Variants in FRMPD4 observed in about 807,000 individuals in gnomAD.
FRMPD4 encodes the protein FERM and PDZ domain-containing protein 4.
FRMPD4 carries 22 observed loss-of-function variants against 94.1 expected under a neutral mutation model. That is an observed-to-expected ratio of 0.23 (90% CI 0.17 to 0.33). FRMPD4 has a LOEUF of 0.33. FRMPD4 is among the 10% of genes least tolerant of loss of function. FRMPD4 has a pLI of 1.00. For missense variants in FRMPD4, 1,111 were observed against 1,339.9 expected, an observed-to-expected ratio of 0.83 and a Z score of 2.67; for synonymous variants, 631 against 548.6, an observed-to-expected ratio of 1.15 and a Z score of -2.10.
chrX:11,877,267 A>G (rs1356542565), intron 2 of FRMPD4, among the ~76,000 whole-genome samples: 2 of 112,186 alleles, frequency 1.8e-5, no homozygotes, highest in African/African-American at 6.5e-5. Flanking sequence ...ATGAAACACA[A>G]GAAAGCCATG....
At chrX:12,006,395 A>G (rs1356463097) in intron 3 of FRMPD4, among the ~76,000 whole-genome samples, 1 of 112,242 alleles carries the variant, frequency 8.9e-6, no homozygotes, top group Non-Finnish European at 1.9e-5. Flanking sequence ...GCTTTATTGG[A>G]TATCTTTAAA....
rs141685747 is a variant in FRMPD4, at chrX:12,275,715, T to C, written c.41+136703T>C. ...AGAAGGGAGGATCCTCCATGGAGAG[T>C]TGGCAGGTGAGGTGGATTTTGCCCT... On this transcript the variant is annotated intron_variant, in intron 1 of 16. Transcript: ENST00000675598. Among the ~76,000 whole-genome samples, 727 of 109,322 alleles carry C rather than the reference T, an allele frequency of 6.7e-3. 5 individuals are homozygous for C. Among genetic ancestry groups the C allele is most frequent in the African/African-American group, 0.023 (704 of 29,987 alleles). The allele number at this position is 109,322 out of a possible 115,157, so 94.9% of individuals were successfully genotyped here.
At chrX:12,365,023 T>A (rs1481383569) in intron 1 of FRMPD4, among the ~76,000 whole-genome samples, 1 of 112,646 alleles carries the variant, frequency 8.9e-6, no homozygotes, top group Non-Finnish European at 1.9e-5. Flanking sequence ...TGCTGAGACA[T>A]GGCCCTTAAT....
At chrX:12,442,902 A>G (rs766007505) in intron 1 of FRMPD4, among the ~76,000 whole-genome samples, 1 of 112,418 alleles carries the variant, frequency 8.9e-6, no homozygotes, top group Non-Finnish European at 1.9e-5. Context: ...TTCAGCCATA[A>G]AAAGAGTGAC....
At chrX:12,199,717 C>A (rs6640935) in intron 1 of FRMPD4, among the ~76,000 whole-genome samples, 24,235 of 111,093 alleles carry the variant, frequency 0.22, 2,307 homozygotes, top group East Asian at 0.62. Flanking sequence ...TTTATCAAGA[C>A]AAGGGAATTG....
intron 3 of FRMPD4, among the ~76,000 whole-genome samples, chrX:12,064,738 A>G (rs1601912717): frequency 8.9e-6 from 1 of 112,227 alleles, no homozygotes. Context: ...GAAACAGGTT[A>G]TAGGAATCCC....
chrX:11,990,340 C>G (rs1188344499), intron 3 of FRMPD4, among the ~76,000 whole-genome samples: 2 of 112,053 alleles, frequency 1.8e-5, no homozygotes, highest in Non-Finnish European at 3.8e-5. Flanking sequence ...GTGGGTACAT[C>G]CCCCATTGGG....
intron 1 of FRMPD4, among the ~76,000 whole-genome samples, chrX:11,848,742 A>T (rs1267212194): frequency 9.0e-6 from 1 of 110,896 alleles, no homozygotes; most frequent in Non-Finnish European, 1.9e-5. Context: ...GCTTGCTGCA[A>T]ACAAAACAGA....
At chrX:12,312,239 CTTTT>C (rs200625685) in intron 1 of FRMPD4, among the ~76,000 whole-genome samples, 2 of 61,511 alleles carry the variant, frequency 3.3e-5, no homozygotes, top group African/African-American at 1.4e-4. Context: ...TGCTCCATTA[CTTTT>C]TTTTTTTTTT....
intron 3 of FRMPD4, among the ~76,000 whole-genome samples, chrX:12,118,490 T>A (rs137980079): frequency 8.9e-6 from 1 of 112,181 alleles, no homozygotes; most frequent in Admixed American, 9.4e-5. Context: ...CAAGTCACCG[T>A]TGGGGCACTG....
chrX:11,921,868 A>G (rs1262596984), intron 3 of FRMPD4, among the ~76,000 whole-genome samples: 3 of 112,234 alleles, frequency 2.7e-5, no homozygotes, highest in Non-Finnish European at 3.8e-5. Context: ...TTTCTTGCTT[A>G]GTTACAGTAT....
intron 3 of FRMPD4, among the ~76,000 whole-genome samples, chrX:12,067,695 C>T (rs753436387): frequency 4.5e-5 from 5 of 111,744 alleles, no homozygotes; most frequent in African/African-American, 1.3e-4. Flanking sequence ...CGATTACAGG[C>T]GTGAGCCACT....
intron 3 of FRMPD4, among the ~76,000 whole-genome samples, chrX:12,025,790 T>G (rs2054657550): frequency 9.0e-6 from 1 of 111,394 alleles, no homozygotes; most frequent in Non-Finnish European, 1.9e-5. Context: ...ACTACAGGAG[T>G]GTGAACTTGG....
intron 1 of FRMPD4, among the ~76,000 whole-genome samples, chrX:12,308,095 A>T (rs1370808428): frequency 2.7e-5 from 3 of 111,949 alleles, no homozygotes; most frequent in African/African-American, 9.7e-5. Flanking sequence ...AGGTCCTAGC[A>T]TATTCCAGCA....
chrX:12,643,232 G>C (rs1418925137), intron 4 of FRMPD4, among the ~76,000 whole-genome samples: 1 of 109,498 alleles, frequency 9.1e-6, no homozygotes, highest in East Asian at 2.9e-4. Context: ...CTGCCTCCTG[G>C]GTTCCAGCGA....
chrX:12,165,368 G>A (rs2056098065), intron 1 of FRMPD4, among the ~76,000 whole-genome samples: 1 of 111,639 alleles, frequency 9.0e-6, no homozygotes, highest in African/African-American at 3.3e-5. Flanking sequence ...GTAGACATGC[G>A]GCATTATTTC....
intron 1 of FRMPD4, among the ~76,000 whole-genome samples, chrX:12,360,974 AC>A (rs2055979910): frequency 9.2e-6 from 1 of 108,565 alleles, no homozygotes; most frequent in African/African-American, 3.4e-5. Context: ...AAAAAAAAAA[AC>A]GGTAAGTATT....
intron 3 of FRMPD4, among the ~76,000 whole-genome samples, chrX:12,039,968 A>T (rs1312066380): frequency 2.5e-5 from 2 of 80,136 alleles, no homozygotes; most frequent in African/African-American, 9.1e-5. Flanking sequence ...AAACTTTGTC[A>T]AAAAAAAAAA....
chrX:12,363,696 A>C (rs1194514410), intron 1 of FRMPD4, among the ~76,000 whole-genome samples: 2 of 112,482 alleles, frequency 1.8e-5, no homozygotes, highest in African/African-American at 6.5e-5. Flanking sequence ...ACCTATCATT[A>C]ATGTTATTTG....
Sources: gnomAD v4.1 joint callset for allele counts (sites outside exome capture counted in the v4.1 genomes callset) on GRCh38, gnomAD v4.1.1 for gene constraint, MANE v1.5 for transcripts, NCBI Gene and HGNC (gene_info 2026-07-23, HGNC 2026-07-21) for gene names.